The following OSBPL10 variants were observed in gnomAD, a reference collection of about 807,000 sequenced individuals.
OSBPL10 encodes oxysterol binding protein like 10, also known as oxysterol-binding protein-related protein 10.
A neutral mutation model predicts 81.7 loss-of-function variants in OSBPL10; 49 were observed. The observed-to-expected ratio is 0.60, with a 90% CI of 0.48 to 0.76. The LOEUF (loss-of-function observed/expected upper bound fraction) is 0.76, where lower values mean the gene tolerates loss of function less well. Among genes scored for constraint, OSBPL10 ranks in the 30% least tolerant of loss-of-function variants. The pLI is 0.00. For missense variants in OSBPL10, 923 were observed against 987.8 expected, an observed-to-expected ratio of 0.93 and a Z score of 0.88; for synonymous variants, 419 against 383.6, an observed-to-expected ratio of 1.09 and a Z score of -1.08.
intron 4 of OSBPL10, among the ~76,000 whole-genome samples, chr3:31,756,859 T>C (rs1388966505): frequency 6.6e-6 from 1 of 152,218 alleles, no homozygotes; most frequent in Non-Finnish European, 1.5e-5. Flanking sequence ...ATGTTACTAT[T>C]GCAGGCCGCA....
At chr3:32,044,392 T>A (rs1699605165) in intron 2 of OSBPL10, among the ~76,000 whole-genome samples, 2 of 148,464 alleles carry the variant, frequency 1.3e-5, no homozygotes, top group Non-Finnish European at 3.0e-5. Flanking sequence ...ATAATAATAA[T>A]AATATATAAC....
At chr3:31,714,440 GAA>G (rs1440657711) in intron 6 of OSBPL10, among the ~76,000 whole-genome samples, 1 of 152,178 alleles carries the variant, frequency 6.6e-6, no homozygotes, top group Non-Finnish European at 1.5e-5. Flanking sequence ...AAGAGAGAGA[GAA>G]AGCACGAGAG....
intron 2 of OSBPL10, among the ~76,000 whole-genome samples, chr3:32,014,128 C>A (rs542396877): frequency 2.0e-5 from 3 of 152,248 alleles, no homozygotes; most frequent in Non-Finnish European, 2.9e-5. Context: ...CAAAGCCTGG[C>A]AGACACACAA....
At chr3:31,827,623 G>A (rs553112751) in intron 4 of OSBPL10, among the ~76,000 whole-genome samples, 2 of 150,584 alleles carry the variant, frequency 1.3e-5, no homozygotes, top group African/African-American at 4.9e-5. Flanking sequence ...GCAACAGAGT[G>A]AGACTCTGTC....
At chr3:31,867,562 T>C (rs1701210299) in intron 3 of OSBPL10, among the ~76,000 whole-genome samples, 1 of 152,040 alleles carries the variant, frequency 6.6e-6, no homozygotes, top group African/African-American at 2.4e-5. Context: ...GCCAACATGG[T>C]GAAACCCTGT....
chr3:32,064,874 T>C (rs1448616594), intron 1 of OSBPL10: 1 of 93,774 alleles, frequency 1.1e-5, no homozygotes, highest in African/African-American at 2.7e-5. Flanking sequence ...TTTTTGTTTT[T>C]TTCCCCCTTT....
In OSBPL10 at chr3:31,965,779, TATAA is replaced by T. The variant is rs1181556529; in HGVS notation, c.281+15116_281+15119del. Reference sequence around the variant, plus strand: ...TTATATTAAAAGATAATATATATTATATAAATAGATAAGATATATTATCTATTTA... The same window carrying T: ...TTATATTAAAAGATAATATATATTATATAGATAAGATATATTATCTATTTA... On this transcript the variant is annotated intron_variant, in intron 1 of 11. Transcript: ENST00000396556. 1.6e-4 allele frequency among the ~76,000 whole-genome samples: 12 copies of T among 75,660 alleles called. 1 individual carries two copies. Among genetic ancestry groups the T allele is most frequent in the South Asian group, 8.3e-4 (2 of 2,412 alleles). The allele number at this position is 75,660 out of a possible 152,430, so 49.6% of individuals were successfully genotyped here. A position where few individuals can be genotyped will look rare whatever the true frequency, so the allele number is the denominator to read the frequency against.
chr3:32,048,310 A>ATATTT (rs1254305852), intron 1 of OSBPL10, among the ~76,000 whole-genome samples: 3 of 134,584 alleles, frequency 2.2e-5, no homozygotes, highest in African/African-American at 8.4e-5. Flanking sequence ...CACTACTACT[A>ATATTT]TTTTTTTTTT....
chr3:31,724,816 G>A (rs923005787), intron 6 of OSBPL10, among the ~76,000 whole-genome samples: 7 of 152,204 alleles, frequency 4.6e-5, no homozygotes, highest in African/African-American at 1.2e-4. Flanking sequence ...TGCTAAGATT[G>A]AGAAGGAAGG....
At chr3:32,036,009 C>T (rs1346946414) in intron 2 of OSBPL10, among the ~76,000 whole-genome samples, 3 of 152,142 alleles carry the variant, frequency 2.0e-5, no homozygotes, top group African/African-American at 7.2e-5. Flanking sequence ...CTTCATGAAT[C>T]CAACTACTCT....
Position 31,992,056 on chromosome 3 carries a change from G to C in OSBPL10, n.298+54435C>G, listed in dbSNP as rs190584531. Among the ~76,000 whole-genome samples the C allele has an allele frequency of 4.3e-4, 64 of 150,134 alleles. No individual in the cohort carries two copies. The East Asian group carries it at 9.5e-3, about 22-fold the overall frequency. On this transcript the variant is annotated intron_variant and non_coding_transcript_variant, in intron 2 of 3. Coordinates refer to the OSBPL10 transcript ENST00000479173. Reference sequence around the variant, plus strand: ...AGCTACTGGGGAGGCTGAGGCAGGAGAATCACTTGAACCTGGGAGGCAGAG... The same window carrying C: ...AGCTACTGGGGAGGCTGAGGCAGGACAATCACTTGAACCTGGGAGGCAGAG...
At chr3:31,927,615 A>T (rs943760599) in intron 1 of OSBPL10, among the ~76,000 whole-genome samples, 13 of 152,328 alleles carry the variant, frequency 8.5e-5, no homozygotes, top group African/African-American at 2.6e-4. Flanking sequence ...CCCTTCACTA[A>T]ATGGCCCTAA....
At chr3:31,958,740 T>C (rs1361956197) in intron 1 of OSBPL10, among the ~76,000 whole-genome samples, 6 of 150,140 alleles carry the variant, frequency 4.0e-5, no homozygotes, top group African/African-American at 1.5e-4. Flanking sequence ...CAAAAGCCTC[T>C]AAACTAGAGA....
At chr3:31,898,026 A>AAC in intron 1 of OSBPL10, among the ~76,000 whole-genome samples, 1 of 116,242 alleles carries the variant, frequency 8.6e-6, no homozygotes, top group East Asian at 2.2e-4. Flanking sequence ...AAAAAAAAAA[A>AAC]AAAAAAAAAA....
At chr3:32,015,325 G>A (rs939680520) in intron 2 of OSBPL10, among the ~76,000 whole-genome samples, 10 of 152,254 alleles carry the variant, frequency 6.6e-5, no homozygotes, top group Admixed American at 1.3e-4. Flanking sequence ...TGACAAACCT[G>A]ACAATAATAA....
At chr3:31,836,575 T>C (rs1700362139) in intron 3 of OSBPL10, among the ~76,000 whole-genome samples, 2 of 135,054 alleles carry the variant, frequency 1.5e-5, no homozygotes, top group South Asian at 5.4e-4. Flanking sequence ...TCCTGCTGAC[T>C]CTTCCTTAAC....
At chr3:31,767,572 A>T (rs1698237921) in intron 4 of OSBPL10, among the ~76,000 whole-genome samples, 1 of 93,088 alleles carries the variant, frequency 1.1e-5, no homozygotes. Context: ...TCTCCCACTT[A>T]GAAGTCCCCG....
At chr3:31,690,763 T>G (rs190892721) in intron 7 of OSBPL10, among the ~76,000 whole-genome samples, 21 of 152,334 alleles carry the variant, frequency 1.4e-4, no homozygotes, top group African/African-American at 4.6e-4. Flanking sequence ...TCTTTCATCT[T>G]CTGTTGTGTG....
At chr3:31,907,478 G>T (rs11706688) in intron 1 of OSBPL10, among the ~76,000 whole-genome samples, 111,728 of 151,354 alleles carry the variant, frequency 0.74, 41,601 homozygotes, top group African/African-American at 0.84. Flanking sequence ...AATACAAAAA[G>T]TAGCCAGGCA....
Sources: allele counts gnomAD v4.1 joint callset (sites outside exome capture counted in the v4.1 genomes callset), GRCh38; gene constraint gnomAD v4.1.1; transcripts MANE v1.5; gene names NCBI Gene and HGNC (gene_info 2026-07-23, HGNC 2026-07-21).